Variants in FOXP2 observed in about 807,000 individuals in gnomAD.
FOXP2 encodes forkhead box protein P2.
FOXP2 carries 12 observed loss-of-function variants against 115.8 expected under a neutral mutation model. The ratio of observed to expected loss-of-function variants is 0.10; its 90% CI spans 0.07 to 0.17. The LOEUF is 0.17. Ranked by LOEUF, FOXP2 falls within the 10% of genes least tolerant of loss-of-function variation. The pLI, the probability that FOXP2 is intolerant of heterozygous loss-of-function variation, is 1.00. For missense variants in FOXP2, 629 were observed against 843.5 expected, an observed-to-expected ratio of 0.75 and a Z score of 3.15; for synonymous variants, 328 against 297.7, an observed-to-expected ratio of 1.10 and a Z score of -1.05.
rs962315968 is a variant in FOXP2, at chr7:114,478,892, A to G, written c.168+52213A>G. Among the ~76,000 whole-genome samples, 5 of 151,780 alleles carry G rather than the reference A, an allele frequency of 3.3e-5. No homozygotes were observed. In the South Asian group the frequency reaches 8.3e-4, roughly 25 times the overall value. ...TGTGAAAGTGGTGCTTCAGTAGCGT[A>G]TTATATGGTAAAGGCTTGTTACATC... On this transcript the variant is annotated intron_variant, in intron 2 of 16. Coordinates refer to ENST00000350908, the MANE Select transcript of FOXP2 (RefSeq NM_014491.4).
chr7:114,587,879 A>ATATATATATATATATATATATAT lies in FOXP2; in HGVS notation c.259-40661_259-40660insTATATATATATATATATATATAT. ...CTAATTGGGTGAATAAGAGATAATTAAATCCACCTTTCTTAGTGCCTTATT... is the reference window on the plus strand; with the variant it reads ...CTAATTGGGTGAATAAGAGATAATTATATATATATATATATATATATATAATCCACCTTTCTTAGTGCCTTATT... On this transcript the variant is annotated intron_variant, in intron 3 of 16. Transcript: ENST00000350908. 9.1e-4 allele frequency among the ~76,000 whole-genome samples: 70 copies of ATATATATATATATATATATATAT among 76,514 alleles called. 5 individuals carry two copies. The highest frequency in any genetic ancestry group is 2.7e-3 in the East Asian group (4 of 1,492). The allele number at this position is 76,514 out of a possible 152,430, so 50.2% of individuals were successfully genotyped here. A position where few individuals can be genotyped will look rare whatever the true frequency, so the allele number is the denominator to read the frequency against.
chr7:114,259,594 CAGG>C (rs1584586905), intron 1 of FOXP2, among the ~76,000 whole-genome samples: 1 of 152,160 alleles, frequency 6.6e-6, no homozygotes, highest in East Asian at 1.9e-4. Flanking sequence ...AAGCTTTCAG[CAGG>C]AGAAGCAAGT....
rs1585007411 is a variant in FOXP2, at chr7:114,664,124, C to T, written c.1840-149C>T. 7.1e-6 allele frequency: 6 copies of T among 847,592 alleles called. No homozygotes were observed. The East Asian group carries it at 1.6e-4, about 23-fold the overall frequency. 52.5% of individuals were successfully genotyped at this position (847,592 alleles called of 1,614,324 possible). On this transcript the variant is annotated intron_variant, in intron 15 of 16. Transcript: ENST00000350908. The stretch of plus-strand genomic sequence containing the variant: ...TCCTTGCATCTCTGCCACAAGTAGC[C>T]AGTTAGGAATTTTTTTTCAATACAT...
intron 2 of FOXP2, among the ~76,000 whole-genome samples, chr7:114,464,812 CCAAA>C (rs768465320): frequency 9.1e-4 from 138 of 152,298 alleles, no homozygotes; most frequent in Non-Finnish European, 1.7e-3. Flanking sequence ...AAAGAACCAA[CCAAA>C]CAAACAAAAA....
chr7:114,318,288 C>G (rs1175660836), intron 2 of FOXP2, among the ~76,000 whole-genome samples: 1 of 151,712 alleles, frequency 6.6e-6, no homozygotes, highest in African/African-American at 2.4e-5. Context: ...TAAATCCTAC[C>G]CATTCTTCAA....
intron 3 of FOXP2, among the ~76,000 whole-genome samples, chr7:114,551,980 C>T (rs986235775): frequency 3.9e-5 from 6 of 152,080 alleles, no homozygotes; most frequent in African/African-American, 1.4e-4. Flanking sequence ...TATGTGCTTT[C>T]AAAAATAATC....
chr7:114,116,572 A>C (rs1379909030), intron 1 of FOXP2, among the ~76,000 whole-genome samples: 1 of 152,146 alleles, frequency 6.6e-6, no homozygotes, highest in African/African-American at 2.4e-5. Flanking sequence ...GAGAATAGGA[A>C]AATAAAGATT....
chr7:114,191,720 C>G (rs1366839033), intron 1 of FOXP2, among the ~76,000 whole-genome samples: 1 of 152,128 alleles, frequency 6.6e-6, no homozygotes, highest in African/African-American at 2.4e-5. Context: ...TTATTAACAC[C>G]TTGCATTAGG....
intron 13 of FOXP2, among the ~76,000 whole-genome samples, chr7:114,661,380 A>G (rs1445494236): frequency 6.6e-6 from 1 of 152,090 alleles, no homozygotes; most frequent in Non-Finnish European, 1.5e-5. Flanking sequence ...GCTGCCAACA[A>G]CATCTGTTTG....
chr7:114,328,576 T>C (rs907467951), intron 2 of FOXP2, among the ~76,000 whole-genome samples: 5 of 152,178 alleles, frequency 3.3e-5, no homozygotes, highest in African/African-American at 1.2e-4. Flanking sequence ...TAGATGGACA[T>C]GCAGTAACAA....
intron 2 of FOXP2, among the ~76,000 whole-genome samples, chr7:114,370,581 G>A (rs937527048): frequency 5.3e-5 from 8 of 152,092 alleles, no homozygotes; most frequent in Non-Finnish European, 1.0e-4. Flanking sequence ...TAAAGCAAGA[G>A]AACATGGACA....
intron 2 of FOXP2, among the ~76,000 whole-genome samples, chr7:114,506,813 C>G (rs1161842856): frequency 1.3e-5 from 2 of 151,810 alleles, no homozygotes; most frequent in South Asian, 4.1e-4. Context: ...GTGGTTGGCA[C>G]TCACTAGGGC....
chr7:114,159,002 C>G (rs900153361), upstream of FOXP2, among the ~76,000 whole-genome samples: 7 of 151,982 alleles, frequency 4.6e-5, no homozygotes, highest in Non-Finnish European at 1.0e-4. Flanking sequence ...CCAGTAGGTA[C>G]TTTGAATGTG....
At chr7:114,194,877 A>T (rs1316964495) in intron 1 of FOXP2, among the ~76,000 whole-genome samples, 1 of 152,206 alleles carries the variant, frequency 6.6e-6, no homozygotes, top group Non-Finnish European at 1.5e-5. Flanking sequence ...CAGATATAGG[A>T]CATAATAAAT....
At chr7:114,618,127 A>T (rs938928030) in intron 3 of FOXP2, among the ~76,000 whole-genome samples, 1 of 152,112 alleles carries the variant, frequency 6.6e-6, no homozygotes, top group Non-Finnish European at 1.5e-5. Flanking sequence ...GCATTCTCCT[A>T]TCATGACCCA....
intron 1 of FOXP2, among the ~76,000 whole-genome samples, chr7:114,239,052 C>A (rs1316939555): frequency 6.6e-6 from 1 of 151,540 alleles, no homozygotes; most frequent in Admixed American, 6.6e-5. Flanking sequence ...GCTTTACAAA[C>A]TTTTGCATTC....
At chr7:114,434,269 T>C (rs1394251163) in intron 2 of FOXP2, among the ~76,000 whole-genome samples, 1 of 151,902 alleles carries the variant, frequency 6.6e-6, no homozygotes, top group African/African-American at 2.4e-5. Context: ...TGTTGCTTTA[T>C]AAAGAAAAAT....
chr7:114,639,646 G>C lies in FOXP2; in HGVS notation c.776-2764G>C, dbSNP rs554014176. The stretch of plus-strand genomic sequence containing the variant: ...GAACTTTGAACCATCTAAGTAAAGG[G>C]AGGGAGGAAGCCAAGAACAGGTTGT... On this transcript the variant is annotated intron_variant, in intron 6 of 16. Coordinates refer to ENST00000350908, the MANE Select transcript of FOXP2 (RefSeq NM_014491.4). Among the ~76,000 whole-genome samples the C allele has an allele frequency of 7.2e-5, 11 of 152,270 alleles. No individual in the cohort carries two copies. The East Asian group carries it at 2.1e-3, about 29-fold the overall frequency.
intron 1 of FOXP2, among the ~76,000 whole-genome samples, chr7:114,249,715 T>A (rs1004959042): frequency 6.6e-6 from 1 of 152,216 alleles, no homozygotes; most frequent in African/African-American, 2.4e-5. Flanking sequence ...TTTATATTCC[T>A]TTGTGTATAT....
Sources: allele counts gnomAD v4.1 joint callset (sites outside exome capture counted in the v4.1 genomes callset), GRCh38; gene constraint gnomAD v4.1.1; transcripts MANE v1.5; gene names NCBI Gene and HGNC (gene_info 2026-07-23, HGNC 2026-07-21).